TRIM5: variants seen among roughly 807,000 people sequenced by gnomAD.
TRIM5 encodes the protein tripartite motif containing 5, also known as tripartite motif-containing protein 5.
A neutral mutation model predicts 35.6 loss-of-function variants in TRIM5; 31 were observed. The ratio of observed to expected loss-of-function variants is 0.87; its 90% CI spans 0.65 to 1.18. TRIM5 has a LOEUF of 1.18. Among genes scored for constraint, TRIM5 ranks in the 50% most tolerant of loss-of-function variants. The pLI, the probability that TRIM5 is intolerant of heterozygous loss-of-function variation, is 0.00. For synonymous variants in TRIM5, 243 were observed against 215.6 expected (o/e 1.13, Z -1.11); for missense variants, 609 against 591.6 (o/e 1.03, Z -0.31).
At chr11:5,614,145 A>C in the TRIM5 span, among the ~76,000 whole-genome samples, 1 of 152,206 alleles carries the variant, frequency 6.6e-6, no homozygotes, top group South Asian at 2.1e-4. Flanking sequence ...GAGTAGGCTC[A>C]ACTACTATGA....
At chr11:5,591,010 G>A in the TRIM5 span, 48,123 of 173,544 alleles carry the variant, frequency 0.28, 8,043 homozygotes, top group South Asian at 0.36. Flanking sequence ...CACCAATTCC[G>A]GACACACTTG....
chr11:5,619,870 TTTTTG>T, the TRIM5 span: 18 of 77,754 alleles, frequency 2.3e-4, no homozygotes, highest in Non-Finnish European at 4.3e-4. Context: ...GCCCGGCTAA[TTTTTG>T]TATTTTTGTA....
At chr11:5,595,080 C>T in the TRIM5 span, among the ~76,000 whole-genome samples, 1 of 152,142 alleles carries the variant, frequency 6.6e-6, no homozygotes, top group African/African-American at 2.4e-5. Context: ...CTTTCATTTG[C>T]CTGGGGACTG....
chr11:5,663,506 T>C lies in TRIM5; in HGVS notation c.*1303A>G, dbSNP rs56897889. ...TTCCATGAGACATTAACAGAGTTTATGTTTTTCAATAATTTGTAGAACAAG... is the reference window on the plus strand; with the variant it reads ...TTCCATGAGACATTAACAGAGTTTACGTTTTTCAATAATTTGTAGAACAAG... On this transcript the variant is annotated 3_prime_UTR_variant, in exon 8 of 8. Transcript: ENST00000380034. 8 of 985,196 alleles carry C rather than the reference T, an allele frequency of 8.1e-6. No individual in the cohort carries two copies. The highest frequency in any genetic ancestry group is 1.1e-4 in the East Asian group (1 of 8,816). The allele number at this position is 985,196 out of a possible 1,614,324, so 61.0% of individuals were successfully genotyped here.
chr11:5,603,220 C>CT, the TRIM5 span: 2 of 1,601,052 alleles, frequency 1.2e-6, no homozygotes, highest in South Asian at 2.2e-5. Flanking sequence ...TACCCTGATC[C>CT]TTTTTTTGTT....
the TRIM5 span, chr11:5,590,670 A>G: frequency 6.6e-6 from 1 of 152,204 alleles, no homozygotes; most frequent in Non-Finnish European, 1.5e-5. Context: ...GTGGGGCCAG[A>G]TAAGAGAATA....
At chr11:5,673,356 A>T (rs1851710928) in intron 4 of TRIM5, among the ~76,000 whole-genome samples, 1 of 152,184 alleles carries the variant, frequency 6.6e-6, no homozygotes, top group African/African-American at 2.4e-5. Flanking sequence ...AATGAAAGAA[A>T]GGTTCAATAT....
chr11:5,628,621 C>T, the TRIM5 span, among the ~76,000 whole-genome samples: 13 of 152,090 alleles, frequency 8.5e-5, no homozygotes, highest in Non-Finnish European at 1.5e-4. Context: ...TTTTGCCAAG[C>T]GTGGGAAAGA....
At chr11:5,621,076 A>G in the TRIM5 span, among the ~76,000 whole-genome samples, 1 of 152,120 alleles carries the variant, frequency 6.6e-6, no homozygotes, top group Non-Finnish European at 1.5e-5. Flanking sequence ...ACACATTCCT[A>G]TCTCCAGCAC....
chr11:5,599,607 G>A, the TRIM5 span, among the ~76,000 whole-genome samples: 1 of 152,116 alleles, frequency 6.6e-6, no homozygotes, highest in Non-Finnish European at 1.5e-5. Flanking sequence ...GTTTCACCGT[G>A]TTAGCCAGGA....
the TRIM5 span, among the ~76,000 whole-genome samples, chr11:5,621,614 T>C: frequency 6.6e-6 from 1 of 152,262 alleles, no homozygotes; most frequent in East Asian, 1.9e-4. Flanking sequence ...ATGTTGGTAG[T>C]ATGAAAGGAA....
the TRIM5 span, among the ~76,000 whole-genome samples, chr11:5,617,214 T>C: frequency 6.9e-6 from 1 of 144,812 alleles, no homozygotes; most frequent in African/African-American, 2.5e-5. Flanking sequence ...TTTTGGAATC[T>C]TTGAAAAAGC....
the TRIM5 span, among the ~76,000 whole-genome samples, chr11:5,630,453 AG>A: frequency 6.6e-6 from 1 of 152,152 alleles, no homozygotes; most frequent in African/African-American, 2.4e-5. Flanking sequence ...TACTTCATTT[AG>A]GAAGTGTCAC....
chr11:5,622,451 AAAAAAAAG>A, the TRIM5 span, among the ~76,000 whole-genome samples: 10 of 149,132 alleles, frequency 6.7e-5, no homozygotes, highest in Non-Finnish European at 1.0e-4. Context: ...TCTCAAAAAA[AAAAAAAAG>A]AAAAAAAGAA....
the TRIM5 span, chr11:5,611,439 C>A: frequency 3.5e-6 from 4 of 1,139,316 alleles, no homozygotes; most frequent in South Asian, 4.6e-5. Flanking sequence ...GTTCTCAATT[C>A]TTTTGTTGTT....
the TRIM5 span, among the ~76,000 whole-genome samples, chr11:5,628,512 C>CT: frequency 6.6e-6 from 1 of 152,192 alleles, no homozygotes; most frequent in Non-Finnish European, 1.5e-5. Flanking sequence ...CAACTTTCAG[C>CT]TTTTTTTCCT....
the TRIM5 span, chr11:5,608,246 T>C: frequency 1.1e-3 from 1,519 of 1,416,956 alleles, 3 homozygotes; most frequent in Non-Finnish European, 1.4e-3. Flanking sequence ...TTTCTCTACT[T>C]TGTGGCCTCC....
At chr11:5,602,051 C>T in the TRIM5 span, among the ~76,000 whole-genome samples, 2 of 152,032 alleles carry the variant, frequency 1.3e-5, no homozygotes, top group Non-Finnish European at 2.9e-5. Context: ...TGCTAGCTGC[C>T]GAAGATACAA....
chr11:5,626,002 T>G, the TRIM5 span, among the ~76,000 whole-genome samples: 1 of 152,244 alleles, frequency 6.6e-6, no homozygotes, highest in Non-Finnish European at 1.5e-5. Flanking sequence ...TTGTGAGCAA[T>G]TTGCACCTTG....
Sources: gnomAD v4.1 joint callset for allele counts (sites outside exome capture counted in the v4.1 genomes callset) on GRCh38, gnomAD v4.1.1 for gene constraint, MANE v1.5 for transcripts, NCBI Gene and HGNC (gene_info 2026-07-23, HGNC 2026-07-21) for gene names.